Variants in PTPRD observed in about 807,000 individuals in gnomAD.
PTPRD encodes the protein protein tyrosine phosphatase receptor type D.
PTPRD carries 34 observed loss-of-function variants against 214.5 expected under a neutral mutation model. The ratio of observed to expected loss-of-function variants is 0.16; its 90% CI spans 0.12 to 0.21. The LOEUF is 0.21. Among genes scored for constraint, PTPRD ranks in the 10% least tolerant of loss-of-function variants. The probability of loss-of-function intolerance (pLI) is 1.00; values close to 1 mark genes in which losing one functional copy is unlikely to be tolerated. For synonymous variants in PTPRD, 1,128 were observed against 845.7 expected (o/e 1.33, Z -5.79); for missense variants, 2,545 against 2,398.7 (o/e 1.06, Z -1.27).
intron 3 of PTPRD, among the ~76,000 whole-genome samples, chr9:10,039,031 C>T (rs1279695831): frequency 6.6e-6 from 1 of 151,976 alleles, no homozygotes; most frequent in Non-Finnish European, 1.5e-5. Flanking sequence ...AAAAGTTACC[C>T]TAAATGCCAT....
At chr9:8,433,793 A>G (rs2095214835) in intron 35 of PTPRD, among the ~76,000 whole-genome samples, 1 of 152,222 alleles carries the variant, frequency 6.6e-6, no homozygotes, top group Non-Finnish European at 1.5e-5. Flanking sequence ...AGGTTAATCT[A>G]CTATTGAAAT....
At chr9:9,187,556 T>C (rs116312351) in intron 9 of PTPRD, among the ~76,000 whole-genome samples, 2,253 of 152,104 alleles carry the variant, frequency 0.015, 31 homozygotes, top group African/African-American at 0.051. Context: ...ATTTCTTAAA[T>C]GGCATAGCTT....
intron 2 of PTPRD, among the ~76,000 whole-genome samples, chr9:10,540,921 T>C (rs955848776): frequency 6.6e-6 from 1 of 152,142 alleles, no homozygotes; most frequent in African/African-American, 2.4e-5. Context: ...CCAGGGGTGT[T>C]GCAGGTCAGT....
chr9:9,545,715 T>G (rs2078637958), intron 8 of PTPRD, among the ~76,000 whole-genome samples: 1 of 151,754 alleles, frequency 6.6e-6, no homozygotes, highest in South Asian at 2.1e-4. Context: ...TTACTGTAGG[T>G]GTATTGTATA....
chr9:8,908,973 A>C (rs2098727721), intron 11 of PTPRD, among the ~76,000 whole-genome samples: 1 of 150,068 alleles, frequency 6.7e-6, no homozygotes, highest in African/African-American at 2.4e-5. Flanking sequence ...AATTATGTAT[A>C]ATTACATATG....
chr9:8,561,289 A>G (rs1287530711), intron 14 of PTPRD, among the ~76,000 whole-genome samples: 1 of 151,954 alleles, frequency 6.6e-6, no homozygotes, highest in African/African-American at 2.4e-5. Context: ...AAAGCCCCAG[A>G]CCCAGCCACA....
intron 11 of PTPRD, among the ~76,000 whole-genome samples, chr9:9,005,366 A>C (rs981853310): frequency 6.6e-6 from 1 of 152,118 alleles, no homozygotes; most frequent in East Asian, 1.9e-4. Flanking sequence ...AAGTGGAAGT[A>C]GCATGGTGAA....
chr9:9,708,537 T>A (rs561732954), intron 7 of PTPRD, among the ~76,000 whole-genome samples: 1 of 152,212 alleles, frequency 6.6e-6, no homozygotes, highest in East Asian at 1.9e-4. Flanking sequence ...AGTGAGCTAA[T>A]CACTGTCATT....
intron 35 of PTPRD, among the ~76,000 whole-genome samples, chr9:8,421,889 T>G (rs917781400): frequency 6.6e-6 from 1 of 151,720 alleles, no homozygotes; most frequent in Non-Finnish European, 1.5e-5. Flanking sequence ...GGCTCACACC[T>G]GTAATCCCAG....
chr9:9,216,884 CTT>C (rs1463168883), intron 9 of PTPRD, among the ~76,000 whole-genome samples: 1 of 151,960 alleles, frequency 6.6e-6, no homozygotes, highest in Non-Finnish European at 1.5e-5. Flanking sequence ...AGTTAAATGA[CTT>C]TTGGTTACCA....
intron 11 of PTPRD, among the ~76,000 whole-genome samples, chr9:8,831,993 T>C (rs1015459904): frequency 3.3e-5 from 5 of 152,056 alleles, no homozygotes; most frequent in Non-Finnish European, 7.4e-5. Context: ...GAAAATTATT[T>C]GAACAGCATG....
chr9:10,591,454 G>C (rs1049340318), intron 2 of PTPRD, among the ~76,000 whole-genome samples: 1 of 152,002 alleles, frequency 6.6e-6, no homozygotes, highest in Non-Finnish European at 1.5e-5. Flanking sequence ...TGTGAACACA[G>C]GATGAAAAGA....
intron 11 of PTPRD, among the ~76,000 whole-genome samples, chr9:8,984,079 A>C (rs1350532098): frequency 6.6e-6 from 1 of 152,120 alleles, no homozygotes; most frequent in Non-Finnish European, 1.5e-5. Flanking sequence ...ATAGAACATC[A>C]TTTAAAAACT....
chr9:9,257,909 T>C (rs535518502), intron 9 of PTPRD, among the ~76,000 whole-genome samples: 1 of 152,104 alleles, frequency 6.6e-6, no homozygotes, highest in South Asian at 2.1e-4. Flanking sequence ...TAGTGACTCC[T>C]GTATTGGCAA....
chr9:8,678,858 G>T (rs192728504), intron 12 of PTPRD, among the ~76,000 whole-genome samples: 3 of 152,334 alleles, frequency 2.0e-5, no homozygotes, highest in Middle Eastern at 6.8e-3. Context: ...TGGATTAAAA[G>T]TAGGGTCCAG....
chr9:9,826,767 C>T (rs566760162), intron 5 of PTPRD, among the ~76,000 whole-genome samples: 1 of 152,154 alleles, frequency 6.6e-6, no homozygotes, highest in South Asian at 2.1e-4. Flanking sequence ...CCCATTGTCT[C>T]AGCCCAAAAT....
chr9:9,652,980 T>G lies in PTPRD; in HGVS notation c.-286-78199A>C, dbSNP rs141279138. 6.5e-3 allele frequency among the ~76,000 whole-genome samples: 995 copies of G among 152,250 alleles called. 6 individuals are homozygous for G. The highest frequency in any genetic ancestry group is 0.023 in the African/African-American group (962 of 41,554). The stretch of plus-strand genomic sequence containing the variant: ...AGTTTCATTCCTAGTCACAATTTAT[T>G]CTTTATGGGAAATGTTCAATATGGA... On this transcript the variant is annotated intron_variant, in intron 7 of 45. Transcript: ENST00000381196.
intron 32 of PTPRD, among the ~76,000 whole-genome samples, chr9:8,463,740 T>C (rs1337814943): frequency 6.6e-6 from 1 of 151,970 alleles, no homozygotes; most frequent in Non-Finnish European, 1.5e-5. Context: ...ATTCTTAATA[T>C]GAGACAAAGG....
At chr9:10,254,012 A>G (rs1447184889) in intron 3 of PTPRD, among the ~76,000 whole-genome samples, 2 of 152,170 alleles carry the variant, frequency 1.3e-5, no homozygotes, top group African/African-American at 4.8e-5. Flanking sequence ...AATTATGTTG[A>G]AAATAATAAC....
Sources: allele counts gnomAD v4.1 joint callset (sites outside exome capture counted in the v4.1 genomes callset), GRCh38; gene constraint gnomAD v4.1.1; transcripts MANE v1.5; gene names NCBI Gene and HGNC (gene_info 2026-07-23, HGNC 2026-07-21).